CMPK1: variants seen among roughly 807,000 people sequenced by gnomAD.
CMPK1 encodes cytidine/uridine monophosphate kinase 1.
Under a neutral mutation model 25.7 loss-of-function variants are expected in CMPK1, and 10 were observed. That is an observed-to-expected ratio of 0.39 (90% CI 0.24 to 0.66). The LOEUF (loss-of-function observed/expected upper bound fraction) is 0.66. Among genes scored for constraint, CMPK1 ranks in the 30% least tolerant of loss-of-function variants. The pLI is 0.48. For missense variants in CMPK1, 199 were observed against 280.5 expected (o/e 0.71, Z 2.08); for synonymous variants, 106 against 101.5 (o/e 1.04, Z -0.27).
intron 1 of CMPK1, among the ~76,000 whole-genome samples, chr1:47,362,654 T>C (rs547057541): frequency 6.6e-6 from 1 of 152,364 alleles, no homozygotes; most frequent in African/African-American, 2.4e-5. Context: ...AAAAGAAACA[T>C]GCTTCATGCT....
intron 1 of CMPK1, among the ~76,000 whole-genome samples, chr1:47,348,764 CATTG>C (rs1646502260): frequency 6.6e-6 from 1 of 152,126 alleles, no homozygotes; most frequent in Non-Finnish European, 1.5e-5. Context: ...ATGTGTTAGT[CATTG>C]ATTGGTATTG....
At chr1:47,346,089 A>G (rs1367584813) in intron 1 of CMPK1, among the ~76,000 whole-genome samples, 1 of 141,222 alleles carries the variant, frequency 7.1e-6, no homozygotes, top group Admixed American at 7.0e-5. Context: ...TCACTCTGTC[A>G]CCCAGGCTGG....
rs1257043938 is a variant in CMPK1 at position 47,377,904 on chromosome 1, T to C, written c.*1159T>C. ...AGGAATATTCTTTTACACCAATTCTTCCTTTAAAAATCTCTGAGGAATTTG... is the reference window on the plus strand; with the variant it reads ...AGGAATATTCTTTTACACCAATTCTCCCTTTAAAAATCTCTGAGGAATTTG... On this transcript the variant is annotated 3_prime_UTR_variant, in exon 6 of 6. Coordinates refer to ENST00000371873, the MANE Select transcript of CMPK1 (RefSeq NM_016308.3). 7.2e-5 allele frequency: 11 copies of C among 152,604 alleles called. No homozygotes were observed. The allele number at this position is 152,604 out of a possible 1,614,324, so 9.5% of individuals were successfully genotyped here. A position where few individuals can be genotyped will look rare whatever the true frequency, so the allele number is the denominator to read the frequency against.
intron 1 of CMPK1, among the ~76,000 whole-genome samples, chr1:47,352,171 T>G (rs1646527386): frequency 6.6e-6 from 1 of 152,120 alleles, no homozygotes; most frequent in Admixed American, 6.5e-5. Context: ...AAAGATGTCT[T>G]TTAATTGGGT....
chr1:47,342,649 C>CT (rs11334963), intron 1 of CMPK1, among the ~76,000 whole-genome samples: 1,918 of 116,344 alleles, frequency 0.016, 100 homozygotes, highest in African/African-American at 0.051. Flanking sequence ...TCTCTTTTTT[C>CT]TTTTTTTTTT....
In CMPK1 at chr1:47,372,973, G is replaced by A. The variant is rs977859310; in HGVS notation, c.337G>A (p.Ala113Thr). 14 of 1,609,324 alleles carry A rather than the reference G, an allele frequency of 8.7e-6. No homozygotes were observed. Among genetic ancestry groups the A allele is most frequent in the Non-Finnish European group, 1.2e-5 (14 of 1,178,934 alleles). The change falls in exon 3 of 6, where the codon GCT becomes ACT. Residue 113 changes from alanine (A) to threonine (T), a missense_variant. This residue lies in a region of CMPK1 where 140 missense variants were observed against 235.5 expected (regional missense o/e 0.59). Transcript: ENST00000371873. ...LLKREMDQTM[A>T]ANAQKNKFLI... ...CCTTTAGGAAATGGATCAGACAATG[G>A]CTGCCAATGCTCAGAAGAATAAATT...
At chr1:47,352,683 G>GA (rs993310245) in intron 1 of CMPK1, among the ~76,000 whole-genome samples, 61 of 152,110 alleles carry the variant, frequency 4.0e-4, no homozygotes, top group Admixed American at 1.6e-3. Flanking sequence ...GTCATGACAG[G>GA]AAAAAAATAT....
intron 1 of CMPK1, among the ~76,000 whole-genome samples, chr1:47,349,638 C>T (rs1027303078): frequency 3.3e-5 from 5 of 152,068 alleles, no homozygotes; most frequent in Non-Finnish European, 5.9e-5. Context: ...AACATTGCAC[C>T]TATAAAGTTG....
In CMPK1 at chr1:47,338,076, C is replaced by T. The variant is rs979212426; in HGVS notation, c.171+3960C>T. Among the ~76,000 whole-genome samples, 9 of 151,992 alleles carry T rather than the reference C, an allele frequency of 5.9e-5. 1 individual carries two copies. The South Asian group carries it at 1.2e-3, about 21-fold the overall frequency. On this transcript the variant is annotated intron_variant, in intron 1 of 5. Coordinates refer to ENST00000371873, the MANE Select transcript of CMPK1 (RefSeq NM_016308.3). ...GTAGGAAAAAAATTACATAAATCCA[C>T]GGTAAATTCTCCAATTAATCTGGCT...
chr1:47,340,093 T>C (rs1646430242), intron 1 of CMPK1, among the ~76,000 whole-genome samples: 2 of 138,898 alleles, frequency 1.4e-5, no homozygotes, highest in Non-Finnish European at 3.0e-5. Context: ...TATTTATTTA[T>C]TTATTTGAGA....
At chr1:47,359,365 GGTT>G (rs991144206) in intron 1 of CMPK1, among the ~76,000 whole-genome samples, 1 of 133,288 alleles carries the variant, frequency 7.5e-6, no homozygotes, top group Non-Finnish European at 1.5e-5. Flanking sequence ...CCTGTTTAGT[GGTT>G]GTTAAGAAAC....
rs1358750487 is a variant in CMPK1 at position 47,356,264 on chromosome 1, G to T, written c.172-12205G>T. 1.3e-5 allele frequency among the ~76,000 whole-genome samples: 2 copies of T among 152,034 alleles called. 1 individual carries two copies. The highest frequency in any genetic ancestry group is 2.9e-5 in the Non-Finnish European group (2 of 67,974). On this transcript the variant is annotated intron_variant, in intron 1 of 5. Transcript: ENST00000371873. ...TTGCACAAGTATCATTTACTAAATA[G>T]AAATAAATAAAAGCACCTATTTTAG...
chr1:47,354,207 T>A (rs1646542178), intron 1 of CMPK1, among the ~76,000 whole-genome samples: 1 of 152,090 alleles, frequency 6.6e-6, no homozygotes, highest in African/African-American at 2.4e-5. Context: ...GGCATGCTCG[T>A]AGTCCCAGCT....
intron 1 of CMPK1, among the ~76,000 whole-genome samples, chr1:47,346,090 C>T (rs910479323): frequency 1.4e-5 from 2 of 147,164 alleles, no homozygotes; most frequent in African/African-American, 5.0e-5. Flanking sequence ...CACTCTGTCA[C>T]CCAGGCTGGA....
At chr1:47,350,905 C>CA (rs36038736) in intron 1 of CMPK1, among the ~76,000 whole-genome samples, 11,121 of 126,228 alleles carry the variant, frequency 0.088, 593 homozygotes, top group East Asian at 0.32. Context: ...GAGACTGTCT[C>CA]AAAAAAAAAA....
In CMPK1 at chr1:47,368,543, T is replaced by G. The variant is rs1570378251; in HGVS notation, c.246T>G (p.Gly82=). 6.2e-7 allele frequency: 1 copy of G among 1,612,948 alleles called. No homozygotes were observed. The highest frequency in any genetic ancestry group is 2.2e-5 in the East Asian group (1 of 44,818). ...DERKNPDSQY[G]ELIEKYIKEG... is the part of the protein sequence containing the mutation. ...GGAAGAACCCAGATTCACAGTATGGTGAACTTATTGAAAAGTACATTAAAG... is the reference window on the plus strand; with the variant it reads ...GGAAGAACCCAGATTCACAGTATGGGGAACTTATTGAAAAGTACATTAAAG... The change falls in exon 2 of 6, where the codon GGT becomes GGG. Residue 82 remains glycine, a synonymous_variant. Transcript: ENST00000371873.
At chr1:47,334,223 C>T in intron 1 of CMPK1, 107 bp downstream of exon 1, 1 of 1,058,214 alleles carries the variant, frequency 9.4e-7, no homozygotes, top group Non-Finnish European at 1.2e-6. Flanking sequence ...CCGCAGACTA[C>T]GAGTCCCGGC....
At chr1:47,365,653 G>GAAAAAAAAAAAA (rs759506110) in intron 1 of CMPK1, among the ~76,000 whole-genome samples, 2 of 93,270 alleles carry the variant, frequency 2.1e-5, no homozygotes, top group Admixed American at 1.1e-4. Flanking sequence ...AAAAAAAAGT[G>GAAAAAAAAAAAA]AGAGAAATTG....
At chr1:47,348,583 A>G (rs563790518) in intron 1 of CMPK1, among the ~76,000 whole-genome samples, 18 of 152,300 alleles carry the variant, frequency 1.2e-4, no homozygotes, top group African/African-American at 9.6e-5. Flanking sequence ...ACTGGGTCCT[A>G]TGAAACATGT....
Sources: gnomAD v4.1 joint callset for allele counts (sites outside exome capture counted in the v4.1 genomes callset) on GRCh38, gnomAD v4.1.1 for gene constraint, gnomAD v4.1.1 regional missense constraint, MANE v1.5 for transcripts, NCBI Gene and HGNC (gene_info 2026-07-23, HGNC 2026-07-21) for gene names.